PTPRM: variants seen among roughly 807,000 people sequenced by gnomAD.
PTPRM encodes the protein protein tyrosine phosphatase receptor type M.
PTPRM carries 47 observed loss-of-function variants against 186.7 expected under a neutral mutation model. The ratio of observed to expected loss-of-function variants is 0.25; its 90% CI spans 0.20 to 0.32. PTPRM has a LOEUF of 0.32. Ranked by LOEUF, PTPRM falls within the 10% of genes least tolerant of loss-of-function variation. The probability of loss-of-function intolerance (pLI) is 1.00; values close to 1 mark genes in which losing one functional copy is unlikely to be tolerated. For missense variants in PTPRM, 1,494 were observed against 1,865.0 expected, an observed-to-expected ratio of 0.80 and a Z score of 3.66; for synonymous variants, 668 against 674.9, an observed-to-expected ratio of 0.99 and a Z score of 0.16.
At chr18:8,364,893 A>G (rs2095618804) in intron 23 of PTPRM, 1 of 152,262 alleles carries the variant, frequency 6.6e-6, no homozygotes, top group Admixed American at 6.5e-5. Flanking sequence ...ACTCATGCGC[A>G]TGCACATAAA....
intron 14 of PTPRM, among the ~76,000 whole-genome samples, chr18:8,194,043 T>C (rs2093743050): frequency 6.6e-6 from 1 of 152,224 alleles, no homozygotes; most frequent in African/African-American, 2.4e-5. Context: ...AGATCCTCCT[T>C]GTCAGACAGG....
intron 7 of PTPRM, among the ~76,000 whole-genome samples, chr18:8,069,241 A>G (rs1276216089): frequency 6.6e-6 from 1 of 151,868 alleles, no homozygotes; most frequent in Non-Finnish European, 1.5e-5. Flanking sequence ...CAGGGCTGGT[A>G]TGGTAGTTCA....
intron 11 of PTPRM, among the ~76,000 whole-genome samples, chr18:8,110,242 A>G (rs2091697460): frequency 6.6e-6 from 1 of 152,216 alleles, no homozygotes; most frequent in African/African-American, 2.4e-5. Flanking sequence ...TAGTGATAAA[A>G]GGACACAAAA....
chr18:7,722,000 T>A (rs113032476), intron 1 of PTPRM, among the ~76,000 whole-genome samples: 7 of 152,352 alleles, frequency 4.6e-5, no homozygotes, highest in African/African-American at 1.7e-4. Context: ...GAGAGATTAC[T>A]GTTAATGAAG....
At chr18:8,265,008 G>A (rs2094684186) in intron 19 of PTPRM, among the ~76,000 whole-genome samples, 1 of 152,168 alleles carries the variant, frequency 6.6e-6, no homozygotes, top group Non-Finnish European at 1.5e-5. Context: ...GAAACTCCAT[G>A]AAGACACAGA....
chr18:7,837,789 G>C (rs903857818), intron 2 of PTPRM, among the ~76,000 whole-genome samples: 2 of 152,122 alleles, frequency 1.3e-5, no homozygotes, highest in African/African-American at 4.8e-5. Flanking sequence ...TTTCAGAATT[G>C]GTCCCTGGTG....
chr18:7,812,825 A>C (rs1310996950), intron 2 of PTPRM, among the ~76,000 whole-genome samples: 1 of 152,208 alleles, frequency 6.6e-6, no homozygotes, highest in Admixed American at 6.5e-5. Flanking sequence ...GTGAACATTA[A>C]GTGCCACTGC....
intron 23 of PTPRM, among the ~76,000 whole-genome samples, chr18:8,354,735 T>C (rs1362272447): frequency 1.3e-5 from 2 of 152,208 alleles, no homozygotes; most frequent in African/African-American, 4.8e-5. Context: ...TGCCCCCCGT[T>C]AGCACTGGAG....
chr18:8,314,444 G>C (rs1298049927), intron 20 of PTPRM, among the ~76,000 whole-genome samples: 1 of 152,208 alleles, frequency 6.6e-6, no homozygotes, highest in Non-Finnish European at 1.5e-5. Context: ...GTTTGTATGT[G>C]ATTTAGTGAA....
At chr18:7,648,225 A>G (rs1177268479) in intron 1 of PTPRM, among the ~76,000 whole-genome samples, 1 of 152,120 alleles carries the variant, frequency 6.6e-6, no homozygotes, top group African/African-American at 2.4e-5. Flanking sequence ...AAGACTGTCA[A>G]CTTAATTGAT....
rs541869254 is a variant in PTPRM at position 8,134,618 on chromosome 18, A to T, written c.2168-9029A>T. On this transcript the variant is annotated intron_variant, in intron 13 of 32. Transcript: ENST00000580170. ...CATACATTTCAGAATTGTATTGATC[A>T]TATTACCAGATCTTTCTTTTCTGCA... Among the ~76,000 whole-genome samples, 163 of 152,250 alleles carry T rather than the reference A, an allele frequency of 1.1e-3. 3 individuals are homozygous for T. In the South Asian group the frequency reaches 0.013, roughly 12 times the overall value.
At chr18:7,956,053 C>A (rs1447134127) in intron 7 of PTPRM, among the ~76,000 whole-genome samples, 4 of 152,098 alleles carry the variant, frequency 2.6e-5, no homozygotes, top group Non-Finnish European at 5.9e-5. Flanking sequence ...AAATCAAAAC[C>A]TGAATGAAGC....
chr18:8,404,387 A>G (rs1355858428), intron 32 of PTPRM: 1 of 152,198 alleles, frequency 6.6e-6, no homozygotes, highest in Non-Finnish European at 1.5e-5. Context: ...GTACATGTGT[A>G]TTGAGTTGGA....
chr18:7,749,449 T>C (rs2041106185), intron 1 of PTPRM: 1 of 152,188 alleles, frequency 6.6e-6, no homozygotes, highest in Non-Finnish European at 1.5e-5. Context: ...CTTCCTGGTT[T>C]CCTTGTATAC....
At chr18:7,877,601 A>G (rs891396837) in intron 2 of PTPRM, among the ~76,000 whole-genome samples, 3 of 152,172 alleles carry the variant, frequency 2.0e-5, no homozygotes, top group African/African-American at 7.2e-5. Flanking sequence ...AATTTATTCA[A>G]CCACCTCTTT....
chr18:8,151,426 G>A (rs2093002594), intron 14 of PTPRM, among the ~76,000 whole-genome samples: 1 of 151,784 alleles, frequency 6.6e-6, no homozygotes, highest in Admixed American at 6.6e-5. Context: ...TTTATACTAT[G>A]AGGGGAAAAC....
intron 14 of PTPRM, among the ~76,000 whole-genome samples, chr18:8,215,545 CTTT>C (rs11334182): frequency 7.7e-5 from 9 of 116,316 alleles, no homozygotes; most frequent in Non-Finnish European, 8.9e-5. Context: ...TCTTTCTTTT[CTTT>C]TTTTTTTTTT....
chr18:7,843,411 C>A, intron 2 of PTPRM, among the ~76,000 whole-genome samples: 1 of 152,130 alleles, frequency 6.6e-6, no homozygotes, highest in East Asian at 1.9e-4. Flanking sequence ...GGTCAAGATT[C>A]TGCATTCTTT....
chr18:8,335,917 G>A (rs1322434457), intron 22 of PTPRM, among the ~76,000 whole-genome samples: 1 of 152,152 alleles, frequency 6.6e-6, no homozygotes, highest in East Asian at 1.9e-4. Flanking sequence ...AGCTACTCTG[G>A]AGGTTGAGCC....
Sources: gnomAD v4.1 joint callset for allele counts (sites outside exome capture counted in the v4.1 genomes callset) on GRCh38, gnomAD v4.1.1 for gene constraint, MANE v1.5 for transcripts, NCBI Gene and HGNC (gene_info 2026-07-23, HGNC 2026-07-21) for gene names.